EMCN: variants seen among roughly 807,000 people sequenced by gnomAD.
The protein encoded by EMCN is endomucin.
Under a neutral mutation model 38.4 loss-of-function variants are expected in EMCN, and 37 were observed. The ratio of observed to expected loss-of-function variants is 0.96; its 90% CI spans 0.74 to 1.27. The LOEUF is 1.27. Among genes scored for constraint, EMCN ranks in the 50% most tolerant of loss-of-function variants. The probability of loss-of-function intolerance (pLI) is 0.00; values close to 1 mark genes in which losing one functional copy is unlikely to be tolerated. For missense variants in EMCN, 318 were observed against 302.8 expected (o/e 1.05, Z -0.37); for synonymous variants, 95 against 100.8 (o/e 0.94, Z 0.35).
chr4:100,513,152 A>T (rs1729671197), intron 1 of EMCN, among the ~76,000 whole-genome samples: 1 of 152,156 alleles, frequency 6.6e-6, no homozygotes, highest in East Asian at 1.9e-4. Flanking sequence ...TGAAAGTAGG[A>T]GTTCTAGAAT....
chr4:100,481,977 T>A (rs1429324459), intron 1 of EMCN, among the ~76,000 whole-genome samples: 1 of 151,832 alleles, frequency 6.6e-6, no homozygotes, highest in Admixed American at 6.6e-5. Context: ...TCTCCCTCAA[T>A]ATTTATTGAG....
intron 11 of EMCN, among the ~76,000 whole-genome samples, chr4:100,399,496 C>A (rs908809866): frequency 1.3e-5 from 2 of 151,990 alleles, no homozygotes; most frequent in Non-Finnish European, 2.9e-5. Context: ...CTATGGCCTG[C>A]GGGTAGCAGC....
chr4:100,476,867 G>T (rs1220904032), intron 2 of EMCN, among the ~76,000 whole-genome samples: 1 of 152,078 alleles, frequency 6.6e-6, no homozygotes, highest in Non-Finnish European at 1.5e-5. Context: ...AAATATAACA[G>T]GGAACAGAAA....
At chr4:100,469,941 A>C (rs1030198070) in intron 3 of EMCN, among the ~76,000 whole-genome samples, 2 of 151,792 alleles carry the variant, frequency 1.3e-5, no homozygotes, top group South Asian at 4.1e-4. Context: ...AAGATTTTCA[A>C]TGTTAGTTTA....
chr4:100,446,921 G>A (rs1727687895), intron 5 of EMCN, among the ~76,000 whole-genome samples: 1 of 152,120 alleles, frequency 6.6e-6, no homozygotes, highest in African/African-American at 2.4e-5. Context: ...AAGCTTATGA[G>A]ATTTGTCATT....
intron 11 of EMCN, among the ~76,000 whole-genome samples, chr4:100,406,130 T>G (rs1449385703): frequency 6.6e-6 from 1 of 152,084 alleles, no homozygotes; most frequent in Non-Finnish European, 1.5e-5. Flanking sequence ...CTTCTCTTTT[T>G]TCATTTTTAG....
At chr4:100,407,788 C>CAT (rs1327465133) in intron 11 of EMCN, among the ~76,000 whole-genome samples, 2 of 152,144 alleles carry the variant, frequency 1.3e-5, no homozygotes, top group African/African-American at 4.8e-5. Context: ...AAGTTGGGGA[C>CAT]ATTTTCATGG....
chr4:100,510,887 A>G (rs554612156), intron 1 of EMCN, among the ~76,000 whole-genome samples: 4 of 152,334 alleles, frequency 2.6e-5, no homozygotes, highest in South Asian at 4.1e-4. Context: ...TGACATTTAT[A>G]GCCAAGTACA....
In EMCN at chr4:100,455,965, T is replaced by C. The variant is rs369024318; in HGVS notation, c.377-8394A>G. Reference sequence around the variant, plus strand: ...GCCTGCCACTATGCCTGTCTAATTTTTGTATTTTTTGTAGAGACAGGGTTT... The same window carrying C: ...GCCTGCCACTATGCCTGTCTAATTTCTGTATTTTTTGTAGAGACAGGGTTT... On this transcript the variant is annotated intron_variant, in intron 4 of 11. Transcript: ENST00000296420. 4.6e-5 allele frequency among the ~76,000 whole-genome samples: 7 copies of C among 152,224 alleles called. No individual in the cohort carries two copies. The East Asian group carries it at 1.4e-3, about 29-fold the overall frequency.
chr4:100,475,838 C>T (rs1330383448), intron 2 of EMCN, among the ~76,000 whole-genome samples: 19 of 151,798 alleles, frequency 1.3e-4, no homozygotes, highest in Admixed American at 7.2e-4. Flanking sequence ...CCACCACGCC[C>T]GGCTAATTTT....
chr4:100,481,501 T>G (rs930990256), intron 1 of EMCN, among the ~76,000 whole-genome samples: 1 of 152,126 alleles, frequency 6.6e-6, no homozygotes, highest in Non-Finnish European at 1.5e-5. Context: ...TCACAGGCTT[T>G]ATGGAAATCA....
At chr4:100,475,003 T>A (rs767326569) in intron 3 of EMCN, 35 bp downstream of exon 3, 17 of 1,175,088 alleles carry the variant, frequency 1.4e-5, no homozygotes, top group Non-Finnish European at 2.1e-5. Flanking sequence ...AATTATATAT[T>A]TTTTAAAATT....
intron 2 of EMCN, among the ~76,000 whole-genome samples, chr4:100,477,822 A>G (rs1728702275): frequency 6.6e-6 from 1 of 152,118 alleles, no homozygotes; most frequent in African/African-American, 2.4e-5. Context: ...AGTAATTTTA[A>G]AAATTATTAT....
rs1271467859 is a variant in EMCN at position 100,421,265 on chromosome 4, A to G, written c.664+17T>C. 1.2e-6 allele frequency: 2 copies of G among 1,608,008 alleles called. No homozygotes were observed. The highest frequency in any genetic ancestry group is 2.7e-5 in the African/African-American group (2 of 74,736). ...CATTCTTCTTTCAGGAAAACAAAACAAAACACTGTTACCTACCCGGATCTG... is the reference window on the plus strand; with the variant it reads ...CATTCTTCTTTCAGGAAAACAAAACGAAACACTGTTACCTACCCGGATCTG... On this transcript the variant is annotated intron_variant, in intron 8 of 11. Coordinates refer to ENST00000296420, the MANE Select transcript of EMCN (RefSeq NM_016242.4).
rs576835290 is a variant in EMCN, at chr4:100,466,063, A to G, written c.260-524T>C. 2.6e-5 allele frequency among the ~76,000 whole-genome samples: 4 copies of G among 151,320 alleles called. No individual in the cohort carries two copies. In the South Asian group the frequency reaches 8.4e-4, roughly 32 times the overall value. On this transcript the variant is annotated intron_variant, in intron 3 of 11. Coordinates refer to ENST00000296420, the MANE Select transcript of EMCN (RefSeq NM_016242.4). ...AGGGATAATTGGACATAAATGGAAT[A>G]CACTTTTAATTATACTTAGTTCATT...
chr4:100,487,259 T>A (rs1287699689), intron 1 of EMCN, among the ~76,000 whole-genome samples: 1 of 151,952 alleles, frequency 6.6e-6, no homozygotes, highest in Non-Finnish European at 1.5e-5. Context: ...CAACAACAAA[T>A]CCTTATAAGG....
chr4:100,434,282 G>A (rs1727286336), intron 5 of EMCN, among the ~76,000 whole-genome samples: 1 of 149,856 alleles, frequency 6.7e-6, no homozygotes, highest in Non-Finnish European at 1.5e-5. Context: ...TAAATTCCTG[G>A]ACTCATACAC....
intron 11 of EMCN, among the ~76,000 whole-genome samples, chr4:100,403,227 G>T (rs555288755): frequency 6.6e-6 from 1 of 152,138 alleles, no homozygotes; most frequent in South Asian, 2.1e-4. Flanking sequence ...CTCATTCTCT[G>T]GTGTCTCTTG....
At chr4:100,467,681 CAAAAAAA>C (rs3974786) in intron 3 of EMCN, among the ~76,000 whole-genome samples, 8 of 83,630 alleles carry the variant, frequency 9.6e-5, no homozygotes, top group African/African-American at 2.6e-4. Context: ...GACTCCGTCT[CAAAAAAA>C]AAAAAAAAAA....
Sources: allele counts gnomAD v4.1 joint callset (sites outside exome capture counted in the v4.1 genomes callset), GRCh38; gene constraint gnomAD v4.1.1; transcripts MANE v1.5; gene names NCBI Gene and HGNC (gene_info 2026-07-23, HGNC 2026-07-21).